The following CAPS2 variants were observed in gnomAD, a reference collection of about 807,000 sequenced individuals.
The protein encoded by CAPS2 is calcyphosin-2.
Under a neutral mutation model 86.5 loss-of-function variants are expected in CAPS2, and 98 were observed. That is an observed-to-expected ratio of 1.13 (90% confidence interval 0.96 to 1.34). The LOEUF (loss-of-function observed/expected upper bound fraction) is 1.34. Ranked by LOEUF, CAPS2 falls within the 40% of genes most tolerant of loss-of-function variation. The pLI, the probability that CAPS2 is intolerant of heterozygous loss-of-function variation, is 0.00. For missense variants in CAPS2, 729 were observed against 686.8 expected (o/e 1.06, Z -0.69); for synonymous variants, 210 against 225.1 (o/e 0.93, Z 0.60).
In CAPS2 at chr12:75,369,020, T is replaced by C. The variant is rs182983650; in HGVS notation, c.-395+21818A>G. ...TTTGACTTGTACTTTTTCTCTTTTT[T>C]GTTGATCAATCTTTATCAGAAAATA... On this transcript the variant is annotated intron_variant, in intron 1 of 5. Transcript: ENST00000551829. Among the ~76,000 whole-genome samples, 6 of 152,068 alleles carry C rather than the reference T, an allele frequency of 3.9e-5. No individual in the cohort carries two copies. In the East Asian group the frequency reaches 1.2e-3, roughly 29 times the overall value.
chr12:75,321,650 T>C (rs1252140500), intron 4 of CAPS2, 74 bp from the exon 5 acceptor site: 1 of 1,017,808 alleles, frequency 9.8e-7, no homozygotes, highest in East Asian at 2.6e-5. Context: ...TTAACAGGTT[T>C]ACCTCTTACC....
rs576475304 is a variant in CAPS2 at position 75,288,200 on chromosome 12, G to C, written c.1395+1421C>G. On this transcript the variant is annotated intron_variant, in intron 14 of 16. Transcript: ENST00000393284. Reference sequence around the variant, plus strand: ...TTGTTGTTGTTTTAATCTACAAAACGAAGAGAGGAAGTTAGATGATCCCTA... The same window carrying C: ...TTGTTGTTGTTTTAATCTACAAAACCAAGAGAGGAAGTTAGATGATCCCTA... 7.2e-5 allele frequency among the ~76,000 whole-genome samples: 11 copies of C among 152,208 alleles called. No individual in the cohort carries two copies. In the South Asian group the frequency reaches 2.3e-3, roughly 32 times the overall value.
At chr12:75,381,615 T>G (rs1240994206) in intron 1 of CAPS2, among the ~76,000 whole-genome samples, 6 of 32,394 alleles carry the variant, frequency 1.9e-4, no homozygotes, top group East Asian at 1.1e-3. Context: ...TTCTTAAGTG[T>G]TTTTTTTTTT....
At chr12:75,367,642 T>G (rs2044070122) in intron 1 of CAPS2, among the ~76,000 whole-genome samples, 1 of 152,106 alleles carries the variant, frequency 6.6e-6, no homozygotes, top group Admixed American at 6.6e-5. Flanking sequence ...TTTAAATGCT[T>G]TTGTATATTA....
intron 1 of CAPS2, among the ~76,000 whole-genome samples, chr12:75,386,631 CAG>C (rs2045306621): frequency 6.6e-6 from 1 of 152,036 alleles, no homozygotes; most frequent in Non-Finnish European, 1.5e-5. Flanking sequence ...ATTAATTTTC[CAG>C]CATATGAATT....
chr12:75,298,313 G>A (rs2037243248), intron 11 of CAPS2: 1 of 184,312 alleles, frequency 5.4e-6, no homozygotes, highest in African/African-American at 2.3e-5. Flanking sequence ...CCCTTCACAT[G>A]GAGGAAACTG....
intron 8 of CAPS2, among the ~76,000 whole-genome samples, chr12:75,300,727 G>C (rs1221509662): frequency 2.0e-5 from 3 of 152,128 alleles, no homozygotes; most frequent in African/African-American, 7.2e-5. Context: ...GGGATGTGAT[G>C]CTAGGAGCCA....
At chr12:75,339,022 A>G (rs1451687266) in intron 1 of CAPS2, among the ~76,000 whole-genome samples, 1 of 152,116 alleles carries the variant, frequency 6.6e-6, no homozygotes, top group Non-Finnish European at 1.5e-5. Context: ...ATTTGGGTTG[A>G]TTCTATGTCT....
chr12:75,368,357 T>C (rs1352458801), intron 1 of CAPS2, among the ~76,000 whole-genome samples: 2 of 151,678 alleles, frequency 1.3e-5, no homozygotes, highest in Admixed American at 6.6e-5. Context: ...ACATGTTAAC[T>C]TTAACAATTT....
upstream of CAPS2, among the ~76,000 whole-genome samples, chr12:75,331,689 A>C (rs925236423): frequency 1.4e-4 from 21 of 150,022 alleles, no homozygotes; most frequent in African/African-American, 5.1e-4. Flanking sequence ...TCAGCCTCCC[A>C]AGTAGCTGGG....
intron 6 of CAPS2, among the ~76,000 whole-genome samples, chr12:75,314,044 C>T (rs909430435): frequency 5.3e-5 from 8 of 152,014 alleles, no homozygotes; most frequent in South Asian, 2.1e-4. Flanking sequence ...CTCAACTTCC[C>T]GAGTAACTGG....
intron 1 of CAPS2, among the ~76,000 whole-genome samples, chr12:75,340,103 C>T (rs186098193): frequency 7.9e-5 from 12 of 151,174 alleles, no homozygotes; most frequent in African/African-American, 2.7e-4. Flanking sequence ...ATGGCTGAGT[C>T]GTATTCCATT....
intron 1 of CAPS2, among the ~76,000 whole-genome samples, chr12:75,343,176 G>T (rs1164131872): frequency 6.6e-6 from 1 of 151,902 alleles, no homozygotes; most frequent in Non-Finnish European, 1.5e-5. Context: ...ATAATGAATA[G>T]AAATAACAAG....
intron 12 of CAPS2, 47 bp from the exon 13 acceptor site, chr12:75,291,867 T>C: frequency 1.0e-6 from 1 of 976,346 alleles, no homozygotes; most frequent in Non-Finnish European, 1.5e-6. Context: ...ATATTCTATT[T>C]TACAATCTTG....
At chr12:75,291,752 G>T in exon 13 of CAPS2, 1 of 1,556,470 alleles carries the variant, frequency 6.4e-7, no homozygotes, top group Non-Finnish European at 8.8e-7. Flanking sequence ...ACCTTGAATT[G>T]CTTTGAAGAC....
Position 75,325,296 on chromosome 12 carries a change from T to A in CAPS2, c.82-8A>T. 2 of 1,398,292 alleles carry A rather than the reference T, an allele frequency of 1.4e-6. No individual in the cohort carries two copies. The highest frequency in any genetic ancestry group is 1.4e-5 in the South Asian group (1 of 71,464). The allele number at this position is 1,398,292 out of a possible 1,614,324, so 86.6% of individuals were successfully genotyped here. A position where few individuals can be genotyped will look rare whatever the true frequency, so the allele number is the denominator to read the frequency against. On this transcript the variant is annotated splice_polypyrimidine_tract_variant and splice_region_variant and intron_variant, in intron 1 of 16. Coordinates refer to ENST00000393284, the Ensembl canonical transcript of CAPS2. ...CTCAGAAGTCCACCTTTGCTTTAAT[T>A]AAAAAAAAAACTTTTTGAATCAGTA...
intron 1 of CAPS2, among the ~76,000 whole-genome samples, chr12:75,359,723 CA>C (rs1400031311): frequency 6.6e-6 from 1 of 151,796 alleles, no homozygotes; most frequent in Non-Finnish European, 1.5e-5. Context: ...CAGAAATGCA[CA>C]AAGGTATTTC....
At chr12:75,351,507 C>G (rs1264804098) in intron 1 of CAPS2, among the ~76,000 whole-genome samples, 3 of 151,942 alleles carry the variant, frequency 2.0e-5, no homozygotes, top group African/African-American at 4.8e-5. Context: ...ATCCTAAAAA[C>G]CAGAAGAGAT....
intron 2 of CAPS2, among the ~76,000 whole-genome samples, chr12:75,324,352 G>A (rs1008478872): frequency 5.3e-5 from 8 of 152,128 alleles, no homozygotes; most frequent in African/African-American, 1.9e-4. Flanking sequence ...ATTAATATTT[G>A]TAAATTGATT....
Sources: gnomAD v4.1 joint callset for allele counts (sites outside exome capture counted in the v4.1 genomes callset) on GRCh38, gnomAD v4.1.1 for gene constraint, MANE v1.5 for transcripts, NCBI Gene and HGNC (gene_info 2026-07-23, HGNC 2026-07-21) for gene names.